The following RBPMS variants were observed in gnomAD, a reference collection of about 807,000 sequenced individuals.
RBPMS encodes the protein RNA-binding protein with multiple splicing.
Under a neutral mutation model 26.8 loss-of-function variants are expected in RBPMS, and 7 were observed. The ratio of observed to expected loss-of-function variants is 0.26; its 90% CI spans 0.15 to 0.49. RBPMS has a LOEUF of 0.49. Ranked by LOEUF, RBPMS falls within the 20% of genes least tolerant of loss-of-function variation. RBPMS has a pLI of 0.98. For missense variants in RBPMS, 186 were observed against 250.0 expected (o/e 0.74, Z 1.73); for synonymous variants, 96 against 93.3 (o/e 1.03, Z -0.17).
chr8:30,508,878 TTATAATAG>T (rs1334553710), intron 5 of RBPMS, among the ~76,000 whole-genome samples: 3 of 152,198 alleles, frequency 2.0e-5, no homozygotes, highest in Admixed American at 6.5e-5. Context: ...ATATACCTTA[TTATAATAG>T]TGCCCTTAAA....
At chr8:30,549,436 T>C (rs943356611) in intron 6 of RBPMS, 9 of 1,417,800 alleles carry the variant, frequency 6.3e-6, no homozygotes, top group African/African-American at 1.4e-5. Flanking sequence ...AGGCCTTCCA[T>C]TGTTTTCAGA....
At chr8:30,546,118 T>C (rs1005473547) in intron 6 of RBPMS, among the ~76,000 whole-genome samples, 2 of 152,196 alleles carry the variant, frequency 1.3e-5, no homozygotes, top group Admixed American at 6.5e-5. Flanking sequence ...CGGATAAATA[T>C]GTGGATGACA....
In RBPMS at chr8:30,389,852, T is replaced by C. The variant is rs527887642; in HGVS notation, c.66+4694T>C. ...ATTATACATATGTGGTTATATACTA[T>C]TCTCTGTGTTCTGGAGGTTAGAAAC... On this transcript the variant is annotated intron_variant, in intron 1 of 8. Transcript: ENST00000397323. Among the ~76,000 whole-genome samples the C allele has an allele frequency of 2.0e-5, 3 of 152,298 alleles. No individual in the cohort carries two copies. In the South Asian group the frequency reaches 6.2e-4, roughly 32 times the overall value.
At chr8:30,473,577 A>G (rs1340306368) in intron 1 of RBPMS, among the ~76,000 whole-genome samples, 1 of 152,204 alleles carries the variant, frequency 6.6e-6, no homozygotes, top group African/African-American at 2.4e-5. Context: ...CATTTGACCC[A>G]GCAATCCCAT....
intron 1 of RBPMS, among the ~76,000 whole-genome samples, chr8:30,420,353 G>T (rs1810622097): frequency 6.6e-6 from 1 of 152,044 alleles, no homozygotes; most frequent in African/African-American, 2.4e-5. Context: ...AAATTCCCAA[G>T]TACTTTAAAC....
At chr8:30,393,026 C>T (rs926085999) in intron 1 of RBPMS, among the ~76,000 whole-genome samples, 2 of 151,790 alleles carry the variant, frequency 1.3e-5, no homozygotes, top group Admixed American at 1.3e-4. Context: ...GAAAGAGATA[C>T]AAAATTTAGT....
chr8:30,568,840 CCTT>C (rs1435377377), intron 8 of RBPMS, among the ~76,000 whole-genome samples: 2 of 152,298 alleles, frequency 1.3e-5, no homozygotes, highest in Non-Finnish European at 1.5e-5. Context: ...CACATTTTGA[CCTT>C]CTGTTCAGTC....
chr8:30,544,481 T>G lies in RBPMS; in HGVS notation c.398-13T>G, dbSNP rs370540558. 6.2e-7 allele frequency: 1 copy of G among 1,612,588 alleles called. No individual in the cohort carries two copies. Among genetic ancestry groups the G allele is most frequent in the Non-Finnish European group, 8.5e-7 (1 of 1,178,736 alleles). ...TGGTAACCACTAACTCTCGCCTTAT[T>G]CTTTTCTTGCAGATGAGCTCACAGT... On this transcript the variant is annotated splice_polypyrimidine_tract_variant and intron_variant, in intron 5 of 8. Transcript: ENST00000397323.
chr8:30,412,014 C>T (rs1471876773), intron 1 of RBPMS, among the ~76,000 whole-genome samples: 3 of 150,136 alleles, frequency 2.0e-5, no homozygotes, highest in Admixed American at 2.0e-4. Context: ...AAAACAAAAA[C>T]AGAAGAAGGA....
Position 30,477,655 on chromosome 8 carries a change from G to A in RBPMS, c.145-144G>A, listed in dbSNP as rs866714198. On this transcript the variant is annotated intron_variant, in intron 2 of 8. Transcript: ENST00000397323. ...TGTGTGTGTGTGTGCACATGCACATGCATGTGTGTAATTTGCTTTCCCAGA... is the reference window on the plus strand; with the variant it reads ...TGTGTGTGTGTGTGCACATGCACATACATGTGTGTAATTTGCTTTCCCAGA... 6.7e-6 allele frequency: 4 copies of A among 598,044 alleles called. No individual in the cohort carries two copies. The Middle Eastern group carries it at 1.4e-3, about 213-fold the overall frequency. 37.0% of individuals were successfully genotyped at this position (598,044 alleles called of 1,614,324 possible).
In RBPMS at chr8:30,545,013, C is replaced by T. The variant is rs530815873; in HGVS notation, c.528+389C>T. On this transcript the variant is annotated intron_variant, in intron 6 of 8. Coordinates refer to ENST00000397323, the MANE Select transcript of RBPMS (RefSeq NM_001008710.3). ...GTGTGCTAGGAGAAGGGGATATGTG[C>T]GTCTGTGCGTGTTTCTGTGTGTTGA... The T allele has an allele frequency of 4.3e-5, 62 of 1,434,140 alleles. No homozygotes were observed. In the African/African-American group the frequency reaches 6.4e-4, roughly 15 times the overall value. The allele number at this position is 1,434,140 out of a possible 1,614,324, so 88.8% of individuals were successfully genotyped here. A position where few individuals can be genotyped will look rare whatever the true frequency, so the allele number is the denominator to read the frequency against.
chr8:30,432,210 T>C (rs1812021523), intron 1 of RBPMS, among the ~76,000 whole-genome samples: 1 of 152,286 alleles, frequency 6.6e-6, no homozygotes, highest in Non-Finnish European at 1.5e-5. Flanking sequence ...ATTAACAAAG[T>C]TTGAAGTGAT....
At chr8:30,499,308 A>G (rs1585670877) in intron 4 of RBPMS, among the ~76,000 whole-genome samples, 1 of 152,200 alleles carries the variant, frequency 6.6e-6, no homozygotes, top group Non-Finnish European at 1.5e-5. Context: ...CTAAAGCACC[A>G]TTTGGCAACT....
At chr8:30,525,673 T>C (rs546305333) in intron 5 of RBPMS, among the ~76,000 whole-genome samples, 90 of 152,362 alleles carry the variant, frequency 5.9e-4, no homozygotes, top group Admixed American at 2.4e-3. Flanking sequence ...AATGACGTTT[T>C]AGGTCAGGAG....
intron 1 of RBPMS, chr8:30,385,359 T>G: frequency 4.8e-6 from 2 of 416,774 alleles, no homozygotes; most frequent in Non-Finnish European, 8.6e-6. Flanking sequence ...GGCCCCAAAT[T>G]GCGTAACTCC....
chr8:30,389,263 A>G (rs1211933020), intron 1 of RBPMS, among the ~76,000 whole-genome samples: 1 of 152,246 alleles, frequency 6.6e-6, no homozygotes, highest in African/African-American at 2.4e-5. Context: ...TATGGCATGC[A>G]CTTTTGAGTT....
chr8:30,425,827 TA>T (rs1811290134), intron 1 of RBPMS, among the ~76,000 whole-genome samples: 1 of 152,016 alleles, frequency 6.6e-6, no homozygotes, highest in African/African-American at 2.4e-5. Context: ...CTAACAATCC[TA>T]GGAGGAGGTA....
chr8:30,487,703 A>ATC (rs1417379158), intron 4 of RBPMS, among the ~76,000 whole-genome samples: 1 of 152,074 alleles, frequency 6.6e-6, no homozygotes, highest in Non-Finnish European at 1.5e-5. Flanking sequence ...TACATAATAA[A>ATC]TATGAGACTA....
At chr8:30,507,379 T>TGTAAAGTACTAGGCAAAC (rs1182723287) in intron 5 of RBPMS, among the ~76,000 whole-genome samples, 1 of 152,212 alleles carries the variant, frequency 6.6e-6, no homozygotes, top group East Asian at 1.9e-4. Context: ...ATATAGTGTA[T>TGTAAAGTACTAGGCAAAC]GTAAAGTACT....
Sources: gnomAD v4.1 joint callset for allele counts (sites outside exome capture counted in the v4.1 genomes callset) on GRCh38, gnomAD v4.1.1 for gene constraint, MANE v1.5 for transcripts, NCBI Gene and HGNC (gene_info 2026-07-23, HGNC 2026-07-21) for gene names.